Variants in PCDHA13 observed in about 807,000 individuals in gnomAD.
PCDHA13 encodes the protein protocadherin alpha-13.
In PCDHA13, 54 loss-of-function variants were observed where a neutral mutation model predicts 64.8. The ratio of observed to expected loss-of-function variants is 0.83; its 90% CI spans 0.67 to 1.04. PCDHA13 has a LOEUF of 1.04. Among genes scored for constraint, PCDHA13 ranks in the 50% least tolerant of loss-of-function variants. PCDHA13 has a pLI of 0.00. For synonymous variants in PCDHA13, 587 were observed against 564.4 expected (o/e 1.04, Z -0.57); for missense variants, 1,248 against 1,254.3 (o/e 0.99, Z 0.08).
intron 3 of PCDHA13, among the ~76,000 whole-genome samples, chr5:141,006,736 G>C (rs939000554): frequency 2.0e-5 from 3 of 152,122 alleles, no homozygotes; most frequent in African/African-American, 7.2e-5. Context: ...AGGTCTTGAT[G>C]ATGTATTATA....
chr5:140,940,770 T>A (rs560965178), intron 1 of PCDHA13, among the ~76,000 whole-genome samples: 5 of 152,270 alleles, frequency 3.3e-5, no homozygotes, highest in Non-Finnish European at 7.3e-5. Context: ...ATTTGACTTT[T>A]GATGGTCCAT....
At position 140,882,745 on chromosome 5, in the gene PCDHA13, T is replaced by A. The variant is rs782756975; in HGVS notation, c.477T>A (p.Asp159Glu). Residue 159 changes from aspartate to glutamate, a missense_variant, in exon 1 of 4, where the codon GAT (aspartate) becomes GAA (glutamate). Asp to Glu is a conservative substitution (Grantham distance 45). Coordinates refer to ENST00000289272, the MANE Select transcript of PCDHA13 (RefSeq NM_018904.3). ...ETRFPLDGAS[D>E]ADIGVNSALT... ...GATTTCCACTAGATGGCGCATCCGA[T>A]GCAGATATTGGAGTAAACTCGGCAT... 7 of 1,614,124 alleles carry A rather than the reference T, an allele frequency of 4.3e-6. No homozygotes were observed. Among genetic ancestry groups the A allele is most frequent in the African/African-American group, 1.3e-5 (1 of 74,942 alleles).
At chr5:140,940,372 AGTT>A (rs2092600737) in intron 1 of PCDHA13, among the ~76,000 whole-genome samples, 1 of 151,970 alleles carries the variant, frequency 6.6e-6, no homozygotes, top group Non-Finnish European at 1.5e-5. Flanking sequence ...GTATTCCTTG[AGTT>A]GTTAATTTTG....
intron 1 of PCDHA13, among the ~76,000 whole-genome samples, chr5:140,937,697 G>A (rs2091687536): frequency 6.6e-6 from 1 of 151,910 alleles, no homozygotes; most frequent in Non-Finnish European, 1.5e-5. Flanking sequence ...CGGATCACGA[G>A]GTCAGGAGAT....
At chr5:140,925,505 C>T (rs528944783) in intron 1 of PCDHA13, among the ~76,000 whole-genome samples, 5 of 151,936 alleles carry the variant, frequency 3.3e-5, no homozygotes, top group African/African-American at 4.8e-5. Context: ...CCAATATCCA[C>T]GCAAAAGACC....
rs2059699123 is a variant in PCDHA13 at position 140,883,609 on chromosome 5, C to T, written c.1341C>T (p.Asp447=). 1 of 1,614,032 alleles carries T rather than the reference C, an allele frequency of 6.2e-7. No individual in the cohort carries two copies. Among genetic ancestry groups the T allele is most frequent in the Non-Finnish European group, 8.5e-7 (1 of 1,179,932 alleles). The part of the protein sequence containing the change: ...ATASVSVGVA[D]VNDNAPAFAQ... The stretch of plus-strand genomic sequence containing the variant: ...CCAGCGTGTCGGTGGGGGTGGCCGA[C>T]GTGAACGACAACGCGCCGGCGTTCG... The change falls in exon 1 of 4, where the codon GAC becomes GAT. Residue 447 remains aspartate, a synonymous_variant. Transcript: ENST00000289272.
At position 140,911,726 on chromosome 5, in the gene PCDHA13, G is replaced by GTTCGTGCCAAGGAC. The variant is rs372287116; in HGVS notation, c.2394+27066_2394+27079dup. On this transcript the variant is annotated intron_variant, in intron 1 of 3. Transcript: ENST00000289272. ...TTTATTTTGTGTAACTCTGTAAACAGTTCGTGCCAAGGACTATCAGTGTTC... is the reference window on the plus strand; with the variant it reads ...TTTATTTTGTGTAACTCTGTAAACAGTTCGTGCCAAGGACTTCGTGCCAAGGACTATCAGTGTTC... Among the ~76,000 whole-genome samples, 876 of 152,272 alleles carry GTTCGTGCCAAGGAC rather than the reference G, an allele frequency of 5.8e-3. 6 individuals are homozygous for GTTCGTGCCAAGGAC. The highest frequency in any genetic ancestry group is 0.018 in the African/African-American group (761 of 41,552).
At chr5:140,928,685 A>G (rs899513448) in intron 1 of PCDHA13, 36 of 1,614,050 alleles carry the variant, frequency 2.2e-5, no homozygotes, top group Non-Finnish European at 3.1e-5. Context: ...TGGCTTTCCT[A>G]CCACATCTCC....
At chr5:140,993,917 A>G (rs779939413) in intron 3 of PCDHA13, among the ~76,000 whole-genome samples, 1 of 152,190 alleles carries the variant, frequency 6.6e-6, no homozygotes, top group Admixed American at 6.5e-5. Flanking sequence ...CTAGTGATGC[A>G]TTTCTCAGAA....
intron 1 of PCDHA13, chr5:140,968,908 A>G: frequency 6.2e-7 from 1 of 1,614,182 alleles, no homozygotes; most frequent in Non-Finnish European, 8.5e-7. Context: ...CATTAAGCAC[A>G]GTGTCTTTTA....
At chr5:140,983,461 A>G (rs1291305158) in intron 3 of PCDHA13, among the ~76,000 whole-genome samples, 1 of 152,238 alleles carries the variant, frequency 6.6e-6, no homozygotes, top group Non-Finnish European at 1.5e-5. Flanking sequence ...TTAATAGAAC[A>G]TCATGATGAT....
At position 140,982,483 on chromosome 5, in the gene PCDHA13, A is replaced by C. The variant is rs1554244276; in HGVS notation, c.2462A>C (p.His821Pro). 1.2e-5 allele frequency: 20 copies of C among 1,614,142 alleles called. No homozygotes were observed. In the South Asian group the frequency reaches 1.9e-4, roughly 15 times the overall value. The stretch of plus-strand genomic sequence containing the variant: ...TCTGTGTGTTTATTCAGCTCTGTGC[A>C]CCTAGAGGAGGCTGGCATTCTACGG... ...SLRAGMHSSV[H>P]LEEAGILRAG... The change falls in exon 3 of 4, where the codon CAC becomes CCC. Residue 821 changes from histidine to proline, a missense_variant. By Grantham distance (77) the His-to-Pro change is moderately conservative. Coordinates refer to ENST00000289272, the MANE Select transcript of PCDHA13 (RefSeq NM_018904.3).
At chr5:140,987,824 G>A (rs1032765154) in intron 3 of PCDHA13, among the ~76,000 whole-genome samples, 1 of 151,972 alleles carries the variant, frequency 6.6e-6, no homozygotes, top group Non-Finnish European at 1.5e-5. Flanking sequence ...TGTTTCCTTA[G>A]GGGATTGCTT....
chr5:140,912,395 T>C (rs782718158), intron 1 of PCDHA13, among the ~76,000 whole-genome samples: 10 of 152,138 alleles, frequency 6.6e-5, no homozygotes, highest in Non-Finnish European at 1.5e-4. Flanking sequence ...CTTAATTTGA[T>C]TCTCAGCTTG....
intron 1 of PCDHA13, chr5:140,929,720 C>A (rs146702581): frequency 4.5e-6 from 1 of 224,040 alleles, no homozygotes; most frequent in Admixed American, 5.9e-5. Context: ...GAAGGTGAAA[C>A]ATTTACTTAA....
In PCDHA13 at chr5:140,982,506, C is replaced by T. The variant is rs139355257; in HGVS notation, c.2485C>T (p.Arg829Trp). The change falls in exon 3 of 4, where the codon CGG (arginine) becomes TGG (tryptophan). Residue 829 changes from arginine to tryptophan, a missense_variant. Arg to Trp is a moderately radical substitution (Grantham distance 101). Coordinates refer to ENST00000289272, the MANE Select transcript of PCDHA13 (RefSeq NM_018904.3). ...GCACCTAGAGGAGGCTGGCATTCTACGGGCTGGTCCAGGAGGGCCTGATCA... is the reference window on the plus strand; with the variant it reads ...GCACCTAGAGGAGGCTGGCATTCTATGGGCTGGTCCAGGAGGGCCTGATCA... The part of the protein sequence containing the change: ...SVHLEEAGIL[R>W]AGPGGPDQQW... The T allele has an allele frequency of 3.5e-5, 57 of 1,614,162 alleles. No individual in the cohort carries two copies. Among genetic ancestry groups the T allele is most frequent in the Middle Eastern group, 3.3e-4 (2 of 6,058 alleles).
intron 1 of PCDHA13, among the ~76,000 whole-genome samples, chr5:140,945,317 A>C (rs1322598969): frequency 1.3e-5 from 2 of 152,150 alleles, no homozygotes; most frequent in Non-Finnish European, 2.9e-5. Context: ...AAATAAATGG[A>C]AATATATTTT....
intron 1 of PCDHA13, among the ~76,000 whole-genome samples, chr5:140,955,016 T>C (rs1389069329): frequency 6.6e-6 from 1 of 152,226 alleles, no homozygotes; most frequent in Admixed American, 6.5e-5. Context: ...CCCAGCACCA[T>C]TTATTAAATA....
chr5:140,991,501 A>G (rs1223011478), intron 3 of PCDHA13, among the ~76,000 whole-genome samples: 1 of 152,216 alleles, frequency 6.6e-6, no homozygotes, highest in East Asian at 1.9e-4. Context: ...AGTGAGTTTC[A>G]CTGGCTAAAA....
Sources: allele counts gnomAD v4.1 joint callset (sites outside exome capture counted in the v4.1 genomes callset), GRCh38; gene constraint gnomAD v4.1.1; transcripts MANE v1.5; gene names NCBI Gene and HGNC (gene_info 2026-07-23, HGNC 2026-07-21).